Variants in FAM222B observed in about 807,000 individuals in gnomAD.
FAM222B encodes family with sequence similarity 222 member B.
FAM222B carries 12 observed loss-of-function variants against 38.0 expected under a neutral mutation model. The observed-to-expected ratio is 0.32, with a 90% confidence interval of 0.20 to 0.51. The LOEUF is 0.51. Ranked by LOEUF, FAM222B falls within the 20% of genes least tolerant of loss-of-function variation. The pLI is 0.97. For synonymous variants in FAM222B, 329 were observed against 317.2 expected (o/e 1.04, Z -0.40); for missense variants, 716 against 754.2 (o/e 0.95, Z 0.59).
chr17:28,792,196 T>C (rs976725327), intron 1 of FAM222B, among the ~76,000 whole-genome samples: 1 of 150,592 alleles, frequency 6.6e-6, no homozygotes, highest in Admixed American at 6.7e-5. Context: ...CCTGTAGTCC[T>C]AGCTACTTAG....
intron 1 of FAM222B, among the ~76,000 whole-genome samples, chr17:28,841,621 G>A (rs535002782): frequency 2.6e-5 from 4 of 152,208 alleles, no homozygotes; most frequent in African/African-American, 7.2e-5. Context: ...TGATCCGCCC[G>A]CCTCGGCCTC....
intron 1 of FAM222B, among the ~76,000 whole-genome samples, chr17:28,782,802 T>C (rs2036219101): frequency 6.6e-6 from 1 of 151,742 alleles, no homozygotes. Flanking sequence ...CAGGAGTTTG[T>C]GTCCACTCTG....
chr17:28,772,573 C>CAAA (rs111471814), intron 1 of FAM222B, among the ~76,000 whole-genome samples: 8 of 93,048 alleles, frequency 8.6e-5, no homozygotes, highest in Admixed American at 2.3e-4. Context: ...AAAAAAAATA[C>CAAA]AAAAAAAAAA....
intron 1 of FAM222B, among the ~76,000 whole-genome samples, chr17:28,786,898 T>A (rs956551360): frequency 1.0e-3 from 88 of 85,238 alleles, no homozygotes; most frequent in Non-Finnish European, 1.7e-3. Flanking sequence ...CACTGTATTT[T>A]TTTTTTTTTT....
At chr17:28,837,777 T>TA (rs1188345185) in intron 1 of FAM222B, among the ~76,000 whole-genome samples, 1 of 151,946 alleles carries the variant, frequency 6.6e-6, no homozygotes, top group African/African-American at 2.4e-5. Context: ...CTCAGTCTCC[T>TA]AAGTAACTGG....
intron 1 of FAM222B, among the ~76,000 whole-genome samples, chr17:28,775,709 C>T (rs762903040): frequency 8.6e-5 from 13 of 151,392 alleles, no homozygotes; most frequent in Non-Finnish European, 1.5e-4. Flanking sequence ...GGTGAAGCTC[C>T]GTCTCTACTA....
chr17:28,853,539 C>G (rs1433256483), intron 1 of FAM222B, among the ~76,000 whole-genome samples: 1 of 152,016 alleles, frequency 6.6e-6, no homozygotes, highest in African/African-American at 2.4e-5. Flanking sequence ...CTTAAAGTCT[C>G]TAGATTACTT....
chr17:28,832,518 A>G (rs2038702329), intron 1 of FAM222B, among the ~76,000 whole-genome samples: 1 of 152,158 alleles, frequency 6.6e-6, no homozygotes, highest in African/African-American at 2.4e-5. Context: ...AATCGTACAC[A>G]TCCTTCAGGT....
chr17:28,822,892 C>T (rs1259644768), intron 1 of FAM222B, among the ~76,000 whole-genome samples: 2 of 112,554 alleles, frequency 1.8e-5, no homozygotes, highest in African/African-American at 7.0e-5. Flanking sequence ...TACACACACA[C>T]ATATATGAAT....
chr17:28,766,809 A>G (rs1378398364), intron 1 of FAM222B, 102 bp from the exon 2 acceptor site: 3 of 628,646 alleles, frequency 4.8e-6, no homozygotes, highest in Non-Finnish European at 8.4e-6. Context: ...GTTTAGACAC[A>G]TAAAGCAATT....
intron 1 of FAM222B, among the ~76,000 whole-genome samples, chr17:28,825,307 G>C (rs1172665312): frequency 6.6e-6 from 1 of 151,704 alleles, no homozygotes; most frequent in Admixed American, 6.6e-5. Flanking sequence ...GTAGAGGCGT[G>C]CACCTATGGT....
At position 28,794,221 on chromosome 17, in the gene FAM222B, GC is replaced by G. The variant is rs1416308773; in HGVS notation, c.-40-27515del. On this transcript the variant is annotated intron_variant, in intron 1 of 2. Coordinates refer to ENST00000581407, the MANE Select transcript of FAM222B (RefSeq NM_001077498.3). Reference sequence around the variant, plus strand: ...ACCAGCTGGAATCTACTTGTCTTTTGCTTTTTTTTTTTTTGGAGACAGAGTC... The same window carrying G: ...ACCAGCTGGAATCTACTTGTCTTTTGTTTTTTTTTTTTTGGAGACAGAGTC... Among the ~76,000 whole-genome samples, 4 of 142,798 alleles carry G rather than the reference GC, an allele frequency of 2.8e-5. No individual in the cohort carries two copies. The East Asian group carries it at 8.3e-4, about 30-fold the overall frequency. 93.7% of individuals were successfully genotyped at this position (142,798 alleles called of 152,430 possible). A position where few individuals can be genotyped will look rare whatever the true frequency, so the allele number is the denominator to read the frequency against.
intron 1 of FAM222B, among the ~76,000 whole-genome samples, chr17:28,823,357 G>A (rs1056334341): frequency 3.4e-5 from 5 of 146,074 alleles, no homozygotes; most frequent in African/African-American, 1.0e-4. Flanking sequence ...TCACCACTCC[G>A]TTCTATTTTT....
At chr17:28,846,415 C>G (rs1039415563), upstream of FAM222B, among the ~76,000 whole-genome samples, 2 of 151,878 alleles carry the variant, frequency 1.3e-5, no homozygotes, top group Non-Finnish European at 2.9e-5. Flanking sequence ...GGTACGGTGA[C>G]TCACGCCTGT....
chr17:28,756,940 A>C lies in FAM222B; in HGVS notation c.*1330T>G, dbSNP rs1207646900. ...GTAAGGGCTTATTTCATCTGTAAAA[A>C]ATAAAAAAGCCCAATTCTGCATCTT... On this transcript the variant is annotated 3_prime_UTR_variant, in exon 3 of 3. Coordinates refer to ENST00000581407, the MANE Select transcript of FAM222B (RefSeq NM_001077498.3). 6.6e-6 allele frequency: 1 copy of C among 152,426 alleles called. No homozygotes were observed. Among genetic ancestry groups the C allele is most frequent in the Non-Finnish European group, 1.5e-5 (1 of 68,040 alleles). 9.4% of individuals were successfully genotyped at this position (152,426 alleles called of 1,614,324 possible). A position where few individuals can be genotyped will look rare whatever the true frequency, so the allele number is the denominator to read the frequency against.
upstream of FAM222B, among the ~76,000 whole-genome samples, chr17:28,846,942 C>T (rs538203621): frequency 6.6e-6 from 1 of 151,926 alleles, no homozygotes; most frequent in Non-Finnish European, 1.5e-5. Context: ...TAAAAATTAG[C>T]GCTGGGCGTG....
chr17:28,809,222 G>C (rs566264834), intron 1 of FAM222B, among the ~76,000 whole-genome samples: 4 of 152,042 alleles, frequency 2.6e-5, no homozygotes, highest in Non-Finnish European at 4.4e-5. Context: ...GTGCTGGTGC[G>C]TGTCTGTAGT....
At chr17:28,831,210 G>T (rs1457203274) in intron 1 of FAM222B, among the ~76,000 whole-genome samples, 2 of 151,918 alleles carry the variant, frequency 1.3e-5, no homozygotes, top group Non-Finnish European at 2.9e-5. Context: ...GGCCAAGCTG[G>T]TCTCAAACTC....
chr17:28,845,811 A>G (rs2039141684), upstream of FAM222B, among the ~76,000 whole-genome samples: 1 of 148,408 alleles, frequency 6.7e-6, no homozygotes, highest in African/African-American at 2.5e-5. Flanking sequence ...GGGACAATCA[A>G]TTGAACCCGG....
Sources: gnomAD v4.1 joint callset for allele counts (sites outside exome capture counted in the v4.1 genomes callset) on GRCh38, gnomAD v4.1.1 for gene constraint, MANE v1.5 for transcripts, NCBI Gene and HGNC (gene_info 2026-07-23, HGNC 2026-07-21) for gene names.